Variants in ATG7 observed in about 807,000 individuals in gnomAD.
The protein encoded by ATG7 is ubiquitin-like modifier-activating enzyme ATG7.
A neutral mutation model predicts 82.4 loss-of-function variants in ATG7; 70 were observed. The observed-to-expected ratio is 0.85, with a 90% CI of 0.70 to 1.04. ATG7 has a LOEUF of 1.04. Among genes scored for constraint, ATG7 ranks in the 50% least tolerant of loss-of-function variants. The pLI, the probability that ATG7 is intolerant of heterozygous loss-of-function variation, is 0.00. For synonymous variants in ATG7, 287 were observed against 313.0 expected, an observed-to-expected ratio of 0.92 and a Z score of 0.88; for missense variants, 792 against 864.3, an observed-to-expected ratio of 0.92 and a Z score of 1.05.
intron 19 of ATG7, among the ~76,000 whole-genome samples, chr3:11,417,023 A>G (rs1196744768): frequency 6.6e-6 from 1 of 152,064 alleles, no homozygotes; most frequent in African/African-American, 2.4e-5. Flanking sequence ...TCTGGGTTCC[A>G]TTGTGGTCTG....
chr3:11,425,383 C>G (rs746534001), intron 19 of ATG7, among the ~76,000 whole-genome samples: 18 of 152,108 alleles, frequency 1.2e-4, no homozygotes, highest in Non-Finnish European at 2.5e-4. Flanking sequence ...TTTTCATCTT[C>G]TGAAAAGAAA....
intron 3 of ATG7, among the ~76,000 whole-genome samples, chr3:11,297,415 G>T (rs1575242320): frequency 6.6e-6 from 1 of 152,130 alleles, no homozygotes; most frequent in Non-Finnish European, 1.5e-5. Flanking sequence ...TTGTATGTCT[G>T]GTTGTGGGGT....
chr3:11,391,137 A>G (rs961690141), intron 19 of ATG7, among the ~76,000 whole-genome samples: 1 of 152,208 alleles, frequency 6.6e-6, no homozygotes, highest in Non-Finnish European at 1.5e-5. Context: ...TTTGTCATTT[A>G]CAGCCATAAA....
intron 20 of ATG7, among the ~76,000 whole-genome samples, chr3:11,514,570 C>T (rs1447688653): frequency 1.3e-5 from 2 of 152,230 alleles, no homozygotes; most frequent in Non-Finnish European, 2.9e-5. Context: ...CAGTGCATGG[C>T]GCTAGCCAGC....
intron 20 of ATG7, among the ~76,000 whole-genome samples, chr3:11,462,304 C>G (rs1576586252): frequency 6.6e-6 from 1 of 151,918 alleles, no homozygotes; most frequent in Non-Finnish European, 1.5e-5. Flanking sequence ...GGTGCAGCCA[C>G]AAGAAGGAGA....
intron 19 of ATG7, among the ~76,000 whole-genome samples, chr3:11,389,496 C>G (rs1311317806): frequency 1.5e-5 from 2 of 130,804 alleles, no homozygotes; most frequent in Non-Finnish European, 3.2e-5. Context: ...TCTAGAATAT[C>G]TAATGACTGG....
At chr3:11,574,039 G>A in the ATG7 span, among the ~76,000 whole-genome samples, 1 of 152,186 alleles carries the variant, frequency 6.6e-6, no homozygotes, top group African/African-American at 2.4e-5. Flanking sequence ...GCAGCTGAGA[G>A]AAAGGCCTGC....
At chr3:11,397,383 A>G (rs2152887057) in intron 19 of ATG7, among the ~76,000 whole-genome samples, 1 of 92 alleles carries the variant, frequency 0.011, no homozygotes, top group East Asian at 0.12. Flanking sequence ...TTCACCAGGT[A>G]GAATTTCTAA....
chr3:11,513,222 T>C (rs1005880206), intron 20 of ATG7, among the ~76,000 whole-genome samples: 1 of 152,242 alleles, frequency 6.6e-6, no homozygotes, highest in African/African-American at 2.4e-5. Flanking sequence ...TGGAGCTGCC[T>C]GCCAGTCCTG....
At chr3:11,574,433 C>A in the ATG7 span, among the ~76,000 whole-genome samples, 1 of 152,060 alleles carries the variant, frequency 6.6e-6, no homozygotes, top group Non-Finnish European at 1.5e-5. Context: ...CAGAGCTGGG[C>A]AGGCCAAGTC....
At chr3:11,549,262 A>G (rs1316568385) in intron 20 of ATG7, among the ~76,000 whole-genome samples, 1 of 152,200 alleles carries the variant, frequency 6.6e-6, no homozygotes, top group East Asian at 1.9e-4. Flanking sequence ...TAAAAACTGT[A>G]TATATTCAAA....
At chr3:11,377,458 T>G (rs1333952433) in intron 18 of ATG7, among the ~76,000 whole-genome samples, 2 of 152,160 alleles carry the variant, frequency 1.3e-5, no homozygotes, top group African/African-American at 2.4e-5. Flanking sequence ...TGTTGTTGTT[T>G]TTCTTCTCTA....
intron 20 of ATG7, among the ~76,000 whole-genome samples, chr3:11,514,330 C>G (rs2092195327): frequency 1.3e-5 from 2 of 152,198 alleles, no homozygotes; most frequent in African/African-American, 4.8e-5. Context: ...GCATAATTAA[C>G]TTTGAAGATG....
At position 11,298,802 on chromosome 3, in the gene ATG7, A is replaced by G. The variant is rs1454584088; in HGVS notation, c.107A>G (p.Asn36Ser). 6.2e-7 allele frequency: 1 copy of G among 1,614,078 alleles called. No individual in the cohort carries two copies. Among genetic ancestry groups the G allele is most frequent in the East Asian group, 2.2e-5 (1 of 44,886 alleles). Residue 36 changes from asparagine to serine, a missense_variant, in exon 4 of 21, where the codon AAC (asparagine) becomes AGC (serine). Transcript: ENST00000693202. ...FWHELTQKKL[N>S]EYRLDEAPKD... ...CATGAGTTGACCCAGAAGAAGCTGA[A>G]CGAGTATCGGCTGGATGAAGCTCCC...
chr3:11,334,893 G>A (rs993881013), intron 11 of ATG7, among the ~76,000 whole-genome samples: 4 of 149,224 alleles, frequency 2.7e-5, no homozygotes, highest in Admixed American at 6.8e-5. Context: ...GGAGGTGGAG[G>A]TGTAGTGAGC....
chr3:11,300,375 G>A (rs887356783), intron 5 of ATG7, among the ~76,000 whole-genome samples: 1 of 152,146 alleles, frequency 6.6e-6, no homozygotes, highest in African/African-American at 2.4e-5. Flanking sequence ...GTCACACCTG[G>A]CCAAATTTAG....
intron 19 of ATG7, among the ~76,000 whole-genome samples, chr3:11,394,126 C>T (rs948362118): frequency 2.0e-5 from 3 of 152,164 alleles, no homozygotes; most frequent in Middle Eastern, 3.2e-3. Context: ...ATAACTTGAA[C>T]GAACTCTCAT....
chr3:11,386,803 C>T (rs1057506200), intron 19 of ATG7, among the ~76,000 whole-genome samples: 2 of 152,180 alleles, frequency 1.3e-5, no homozygotes, highest in Non-Finnish European at 2.9e-5. Flanking sequence ...ACATCTTGTC[C>T]TTAGCAACTA....
rs529826152 is a variant in ATG7, at chr3:11,315,613, T to A, written c.678+120T>A. The A allele has an allele frequency of 8.8e-6, 8 of 906,960 alleles. No homozygotes were observed. In the South Asian group the frequency reaches 1.1e-4, roughly 13 times the overall value. 56.2% of individuals were successfully genotyped at this position (906,960 alleles called of 1,614,324 possible). On this transcript the variant is annotated intron_variant, in intron 9 of 20. Transcript: ENST00000693202. ...AGATTTCCTTAGCCTTCAAAGGATG[T>A]TTAAGAACATTTCCTTATCTCTATC...
Sources: allele counts gnomAD v4.1 joint callset (sites outside exome capture counted in the v4.1 genomes callset), GRCh38; gene constraint gnomAD v4.1.1; transcripts MANE v1.5; gene names NCBI Gene and HGNC (gene_info 2026-07-23, HGNC 2026-07-21).